LUZP2: variants seen among roughly 807,000 people sequenced by gnomAD.
LUZP2 encodes leucine zipper protein 2.
LUZP2 carries 52 observed loss-of-function variants against 51.6 expected under a neutral mutation model. The ratio of observed to expected loss-of-function variants is 1.01; its 90% CI spans 0.81 to 1.27. The LOEUF is 1.27. Among genes scored for constraint, LUZP2 ranks in the 50% most tolerant of loss-of-function variants. LUZP2 has a pLI of 0.00. For synonymous variants in LUZP2, 154 were observed against 137.3 expected (o/e 1.12, Z -0.85); for missense variants, 436 against 395.4 (o/e 1.10, Z -0.87).
intron 9 of LUZP2, among the ~76,000 whole-genome samples, chr11:25,014,400 C>T (rs1191395932): frequency 6.6e-6 from 1 of 152,202 alleles, no homozygotes; most frequent in African/African-American, 2.4e-5. Context: ...TCCACATCCT[C>T]TCCAGCACCT....
intron 7 of LUZP2, among the ~76,000 whole-genome samples, chr11:24,954,538 T>C (rs555331036): frequency 5.9e-5 from 9 of 152,140 alleles, no homozygotes; most frequent in Admixed American, 4.6e-4. Context: ...TATACAATCA[T>C]TGTGAGAAAT....
intron 5 of LUZP2, among the ~76,000 whole-genome samples, chr11:24,846,786 C>T (rs1021217242): frequency 3.3e-5 from 5 of 151,938 alleles, no homozygotes; most frequent in African/African-American, 9.7e-5. Context: ...CAGTTCATCA[C>T]ATCAGTCTCT....
At chr11:24,996,400 C>A (rs1166608184) in intron 9 of LUZP2, among the ~76,000 whole-genome samples, 1 of 151,398 alleles carries the variant, frequency 6.6e-6, no homozygotes, top group Non-Finnish European at 1.5e-5. Flanking sequence ...TCTAATGTAG[C>A]CTTCACTTCA....
In LUZP2 at chr11:24,729,593, A is replaced by T. The variant is rs542440149; in HGVS notation, c.180+307A>T. Among the ~76,000 whole-genome samples, 142 of 151,940 alleles carry T rather than the reference A, an allele frequency of 9.3e-4. 1 individual carries two copies. The highest frequency in any genetic ancestry group is 1.6e-3 in the Non-Finnish European group (109 of 67,880). ...AAATGACAAATTATGATCAAGACTT[A>T]AATAAATATAGGAATGACTCCTAGA... On this transcript the variant is annotated intron_variant, in intron 2 of 11. Transcript: ENST00000336930.
intron 9 of LUZP2, among the ~76,000 whole-genome samples, chr11:25,015,339 A>T (rs1275839773): frequency 6.6e-6 from 1 of 152,228 alleles, no homozygotes; most frequent in African/African-American, 2.4e-5. Flanking sequence ...ATCATGCTAC[A>T]TATATCAAAA....
At chr11:24,918,691 G>A (rs1426091334) in intron 7 of LUZP2, among the ~76,000 whole-genome samples, 3 of 150,784 alleles carry the variant, frequency 2.0e-5, no homozygotes, top group Admixed American at 1.3e-4. Context: ...TCAAAAAAGT[G>A]TCAAAAAATA....
intron 5 of LUZP2, among the ~76,000 whole-genome samples, chr11:24,823,987 C>T (rs1004829067): frequency 1.3e-5 from 2 of 151,744 alleles, no homozygotes; most frequent in African/African-American, 2.4e-5. Flanking sequence ...GGCGTGAACC[C>T]AGGAGGCAGA....
intron 5 of LUZP2, among the ~76,000 whole-genome samples, chr11:24,779,736 G>A (rs996942687): frequency 1.3e-5 from 2 of 152,138 alleles, no homozygotes; most frequent in African/African-American, 4.8e-5. Context: ...GATACAGTTA[G>A]GGATCTTGAG....
intron 1 of LUZP2, among the ~76,000 whole-genome samples, chr11:24,597,437 A>C (rs781334983): frequency 1.1e-4 from 16 of 152,210 alleles, no homozygotes; most frequent in Non-Finnish European, 2.2e-4. Context: ...CAGCCTATAC[A>C]TTCAAAGGTT....
chr11:24,948,223 TC>T (rs1854953147), intron 7 of LUZP2, among the ~76,000 whole-genome samples: 1 of 151,778 alleles, frequency 6.6e-6, no homozygotes, highest in African/African-American at 2.4e-5. Context: ...TGATTTTTTT[TC>T]ATTTGTTTAT....
chr11:24,662,620 TAATG>T lies in LUZP2; in HGVS notation c.63-66546_63-66543del, dbSNP rs975864937. The stretch of plus-strand genomic sequence containing the variant: ...AAAATAATGTTTTTAAAATTACTAA[TAATG>T]AAGAAAAGGCTTAATCTTCATAAAT... On this transcript the variant is annotated intron_variant, in intron 1 of 11. Coordinates refer to ENST00000336930, the MANE Select transcript of LUZP2 (RefSeq NM_001009909.4). Among the ~76,000 whole-genome samples, 6 of 152,140 alleles carry T rather than the reference TAATG, an allele frequency of 3.9e-5. No individual in the cohort carries two copies. The East Asian group carries it at 1.2e-3, about 29-fold the overall frequency.
intron 5 of LUZP2, among the ~76,000 whole-genome samples, chr11:24,852,903 G>T (rs2631453): frequency 0.15 from 23,039 of 151,848 alleles, 1,908 homozygotes; most frequent in African/African-American, 0.2. Context: ...AACCCCTACT[G>T]TTTTTTCTTT....
intron 8 of LUZP2, among the ~76,000 whole-genome samples, chr11:24,979,706 C>T (rs943268380): frequency 5.9e-5 from 9 of 151,850 alleles, no homozygotes; most frequent in Middle Eastern, 3.4e-3. Context: ...TTGGCCTCAG[C>T]TACTGGAATA....
rs545808969 is a variant in LUZP2, at chr11:24,999,642, G to C, written c.765+16349G>C. On this transcript the variant is annotated intron_variant, in intron 9 of 11. Transcript: ENST00000336930. ...CGGCCTCCAAAGTGCTGAGATTACAGGTGTGAGCCTCTCTGCCCAAAATAG... is the reference window on the plus strand; with the variant it reads ...CGGCCTCCAAAGTGCTGAGATTACACGTGTGAGCCTCTCTGCCCAAAATAG... Among the ~76,000 whole-genome samples, 5 of 152,204 alleles carry C rather than the reference G, an allele frequency of 3.3e-5. No individual in the cohort carries two copies. The East Asian group carries it at 9.7e-4, about 29-fold the overall frequency.
chr11:24,952,252 A>T lies in LUZP2; in HGVS notation c.523-24339A>T, dbSNP rs145248633. 4.0e-5 allele frequency among the ~76,000 whole-genome samples: 6 copies of T among 151,820 alleles called. No homozygotes were observed. In the East Asian group the frequency reaches 1.2e-3, roughly 29 times the overall value. On this transcript the variant is annotated intron_variant, in intron 7 of 11. Transcript: ENST00000336930. Reference sequence around the variant, plus strand: ...GTGATCACATTTAAAAGTGTTTCTAAATCATATTATAATATAAAAATGATG... The same window carrying T: ...GTGATCACATTTAAAAGTGTTTCTATATCATATTATAATATAAAAATGATG...
chr11:24,885,716 C>T (rs1185663274), intron 5 of LUZP2, among the ~76,000 whole-genome samples: 1 of 152,082 alleles, frequency 6.6e-6, no homozygotes, highest in African/African-American at 2.4e-5. Context: ...CGTGAAGCTG[C>T]AGGTAGTATA....
intron 1 of LUZP2, among the ~76,000 whole-genome samples, chr11:24,604,828 T>C (rs527866819): frequency 5.9e-5 from 9 of 152,022 alleles, no homozygotes; most frequent in Admixed American, 5.3e-4. Context: ...TAGATAGATA[T>C]TCTCCAAATA....
At chr11:24,721,530 C>G (rs1480224949) in intron 1 of LUZP2, among the ~76,000 whole-genome samples, 1 of 152,048 alleles carries the variant, frequency 6.6e-6, no homozygotes, top group East Asian at 1.9e-4. Flanking sequence ...GAAAAACTAC[C>G]ATTCTTGCAG....
chr11:25,030,892 TATATATATATATAATATATATTGTA>T (rs1166387929), intron 9 of LUZP2, among the ~76,000 whole-genome samples: 2,156 of 7,896 alleles, frequency 0.27, 143 homozygotes, highest in East Asian at 0.55. Context: ...CTATATATAT[TATATATATATATAATATATATTGTA>T]TTATATATAT....
Sources: gnomAD v4.1 joint callset for allele counts (sites outside exome capture counted in the v4.1 genomes callset) on GRCh38, gnomAD v4.1.1 for gene constraint, MANE v1.5 for transcripts, NCBI Gene and HGNC (gene_info 2026-07-23, HGNC 2026-07-21) for gene names.